Variants in ATP11C observed in about 807,000 individuals in gnomAD.
ATP11C encodes phospholipid-transporting ATPase IG.
In ATP11C, 36 loss-of-function variants were observed where a neutral mutation model predicts 97.4. The observed-to-expected ratio is 0.37, with a 90% CI of 0.28 to 0.49. The LOEUF (loss-of-function observed/expected upper bound fraction) is 0.49, where lower values mean the gene tolerates loss of function less well. Ranked by LOEUF, ATP11C falls within the 20% of genes least tolerant of loss-of-function variation. ATP11C has a pLI of 0.98. For missense variants in ATP11C, 730 were observed against 824.6 expected, an observed-to-expected ratio of 0.89 and a Z score of 1.40; for synonymous variants, 275 against 290.9, an observed-to-expected ratio of 0.95 and a Z score of 0.56.
chrX:139,800,026 A>G, intron 8 of ATP11C, 34 bp downstream of exon 8: 3 of 384,381 alleles, frequency 7.8e-6, no homozygotes, highest in Admixed American at 3.1e-5. Flanking sequence ...CCCCCCCCCA[A>G]CCAAAGGACA....
intron 1 of ATP11C, among the ~76,000 whole-genome samples, chrX:139,929,071 T>A (rs1305135057): frequency 8.9e-6 from 1 of 112,363 alleles, no homozygotes; most frequent in African/African-American, 3.2e-5. Context: ...CCCTTAAATC[T>A]CAACTAGTCC....
chrX:139,748,291 C>T (rs2081735861), intron 24 of ATP11C, among the ~76,000 whole-genome samples: 1 of 109,532 alleles, frequency 9.1e-6, no homozygotes. Flanking sequence ...ATTGCAGTAA[C>T]CTGGGTAAGG....
chrX:139,750,337 T>C (rs2148650339), intron 23 of ATP11C, among the ~76,000 whole-genome samples, 185 bp from the exon 24 acceptor site: 1 of 112,220 alleles, frequency 8.9e-6, no homozygotes, highest in East Asian at 2.8e-4. Flanking sequence ...ACTAACATAT[T>C]GTGATGTGTC....
chrX:139,801,178 T>C (rs1047744754), intron 7 of ATP11C, among the ~76,000 whole-genome samples: 3 of 112,311 alleles, frequency 2.7e-5, no homozygotes, highest in Admixed American at 9.4e-5. Context: ...TATGCAAGGG[T>C]ATAGATATTG....
intron 1 of ATP11C, among the ~76,000 whole-genome samples, chrX:139,877,369 T>C (rs1198796936): frequency 8.9e-6 from 1 of 112,052 alleles, no homozygotes; most frequent in Admixed American, 9.5e-5. Context: ...ACAAAACACA[T>C]CATTTATAGT....
At chrX:139,849,124 CT>C (rs1244405914) in intron 1 of ATP11C, among the ~76,000 whole-genome samples, 1 of 111,250 alleles carries the variant, frequency 9.0e-6, no homozygotes, top group Non-Finnish European at 1.9e-5. Context: ...GAAGCATTCC[CT>C]CACACTGTGT....
intron 1 of ATP11C, among the ~76,000 whole-genome samples, chrX:139,876,421 A>G (rs1490862622): frequency 3.6e-5 from 4 of 111,962 alleles, no homozygotes; most frequent in Non-Finnish European, 5.6e-5. Context: ...TGAAATCCCA[A>G]TACAACAATT....
At chrX:139,905,029 C>CA (rs949353130) in intron 1 of ATP11C, among the ~76,000 whole-genome samples, 4 of 111,644 alleles carry the variant, frequency 3.6e-5, no homozygotes, top group Non-Finnish European at 5.7e-5. Context: ...AGAGTGGATC[C>CA]AAAAAAACAA....
chrX:139,879,569 G>A (rs2084530384), intron 1 of ATP11C, among the ~76,000 whole-genome samples: 1 of 111,516 alleles, frequency 9.0e-6, no homozygotes, highest in African/African-American at 3.3e-5. Context: ...AGATGAACAA[G>A]TTCTGGGGCT....
intron 1 of ATP11C, among the ~76,000 whole-genome samples, chrX:139,854,273 A>G (rs1185216329): frequency 8.9e-6 from 1 of 112,722 alleles, no homozygotes; most frequent in African/African-American, 3.2e-5. Flanking sequence ...TATTAACAGC[A>G]AAGGATAATT....
At chrX:139,752,617 A>G (rs1379740776) in intron 23 of ATP11C, among the ~76,000 whole-genome samples, 2 of 112,094 alleles carry the variant, frequency 1.8e-5, no homozygotes, top group Non-Finnish European at 3.8e-5. Context: ...TTCAAAATGA[A>G]AACAATATTT....
intron 2 of ATP11C, among the ~76,000 whole-genome samples, chrX:139,820,063 G>A (rs932329414): frequency 8.1e-5 from 9 of 111,136 alleles, no homozygotes; most frequent in Non-Finnish European, 1.5e-4. Flanking sequence ...GACGCACACT[G>A]TAATCCCAGC....
intron 1 of ATP11C, among the ~76,000 whole-genome samples, chrX:139,916,203 T>C (rs2148150502): frequency 1.0e-5 from 1 of 95,481 alleles, no homozygotes; most frequent in African/African-American, 3.7e-5. Context: ...CATTCCAGCC[T>C]GGGTAACAGA....
intron 28 of ATP11C, among the ~76,000 whole-genome samples, chrX:139,733,120 A>T (rs1368259161): frequency 1.8e-5 from 2 of 111,920 alleles, no homozygotes; most frequent in Non-Finnish European, 3.8e-5. Flanking sequence ...ACCTAATTTG[A>T]TTGGTTTCCC....
chrX:139,905,641 C>A (rs1603415946), intron 1 of ATP11C, among the ~76,000 whole-genome samples: 1 of 111,131 alleles, frequency 9.0e-6, no homozygotes. Context: ...TTTCTTTTGG[C>A]TCATTAAACA....
chrX:139,925,224 G>C (rs2085332013), intron 1 of ATP11C, among the ~76,000 whole-genome samples: 1 of 112,105 alleles, frequency 8.9e-6, no homozygotes, highest in African/African-American at 3.2e-5. Flanking sequence ...CTTGGAGTCT[G>C]TCACCCAAGA....
intron 28 of ATP11C, among the ~76,000 whole-genome samples, chrX:139,733,335 C>T (rs2081383014): frequency 8.9e-6 from 1 of 111,769 alleles, no homozygotes. Context: ...CCAAGCAAAA[C>T]AGAAGATGAG....
intron 1 of ATP11C, among the ~76,000 whole-genome samples, chrX:139,907,607 G>T (rs1331836890): frequency 9.1e-6 from 1 of 109,995 alleles, no homozygotes; most frequent in Non-Finnish European, 1.9e-5. Flanking sequence ...AATTAGCCGG[G>T]CATGGTGGTG....
chrX:139,823,164 C>T (rs754320790), intron 2 of ATP11C, among the ~76,000 whole-genome samples: 9 of 111,489 alleles, frequency 8.1e-5, no homozygotes, highest in Admixed American at 1.9e-4. Context: ...GAGCTGAAAT[C>T]GCGCGCCACT....
Sources: allele counts gnomAD v4.1 joint callset (sites outside exome capture counted in the v4.1 genomes callset), GRCh38; gene constraint gnomAD v4.1.1; transcripts MANE v1.5; gene names NCBI Gene and HGNC (gene_info 2026-07-23, HGNC 2026-07-21).